Variants in STXBP3 observed in about 807,000 individuals in gnomAD.
STXBP3 encodes the protein syntaxin-binding protein 3.
Under a neutral mutation model 85.7 loss-of-function variants are expected in STXBP3, and 41 were observed. The observed-to-expected ratio is 0.48, with a 90% CI of 0.37 to 0.62. The LOEUF is 0.62. Among genes scored for constraint, STXBP3 ranks in the 20% least tolerant of loss-of-function variants. STXBP3 has a pLI of 0.00. For synonymous variants in STXBP3, 229 were observed against 231.7 expected, an observed-to-expected ratio of 0.99 and a Z score of 0.10; for missense variants, 563 against 703.1, an observed-to-expected ratio of 0.80 and a Z score of 2.25.
rs184785287 is a variant in STXBP3 at position 108,785,456 on chromosome 1, G to A, written c.963+2750G>A. On this transcript the variant is annotated intron_variant, in intron 11 of 18. Coordinates refer to ENST00000370008, the MANE Select transcript of STXBP3 (RefSeq NM_007269.4). ...ACCAAATCCCAAGACCACACAAAGC[G>A]GCAAGGCTCTGAGCCTGACCCACGA... Among the ~76,000 whole-genome samples the A allele has an allele frequency of 3.8e-3, 585 of 152,202 alleles. 6 individuals are homozygous for A. Among genetic ancestry groups the A allele is most frequent in the African/African-American group, 0.012 (496 of 41,540 alleles).
intron 6 of STXBP3, chr1:108,767,036 G>T: frequency 2.3e-6 from 1 of 441,978 alleles, no homozygotes; most frequent in South Asian, 1.8e-5. Flanking sequence ...CCATCACACA[G>T]TCCACAGGTT....
chr1:108,757,550 A>C (rs1168407501), intron 4 of STXBP3, among the ~76,000 whole-genome samples: 1 of 151,868 alleles, frequency 6.6e-6, no homozygotes, highest in Non-Finnish European at 1.5e-5. Context: ...TAAAAGTACC[A>C]TTTTTCACCT....
chr1:108,786,075 C>G (rs893595752), intron 11 of STXBP3, among the ~76,000 whole-genome samples: 1 of 152,202 alleles, frequency 6.6e-6, no homozygotes, highest in Non-Finnish European at 1.5e-5. Flanking sequence ...TAGCACCCCA[C>G]TCCTGGTACC....
chr1:108,805,713 A>G (rs1002672605), intron 17 of STXBP3, among the ~76,000 whole-genome samples: 3 of 152,158 alleles, frequency 2.0e-5, no homozygotes, highest in Admixed American at 6.5e-5. Context: ...GTGAGCCACC[A>G]CGCCCAGCCA....
chr1:108,803,169 G>T (rs952512466), intron 17 of STXBP3, among the ~76,000 whole-genome samples: 1 of 151,796 alleles, frequency 6.6e-6, no homozygotes, highest in Non-Finnish European at 1.5e-5. Context: ...TTTTATTCTT[G>T]TAGCAGTTTA....
At chr1:108,781,681 A>AT (rs1662717045) in intron 9 of STXBP3, 1 of 152,126 alleles carries the variant, frequency 6.6e-6, no homozygotes, top group Non-Finnish European at 1.5e-5. Flanking sequence ...CACCTTCAAT[A>AT]TTTAATAGGT....
At chr1:108,755,811 T>C (rs1012001973) in intron 3 of STXBP3, among the ~76,000 whole-genome samples, 4 of 152,206 alleles carry the variant, frequency 2.6e-5, no homozygotes, top group Non-Finnish European at 5.9e-5. Context: ...ATAAAAAGAT[T>C]AAATTTTTCC....
intron 11 of STXBP3, among the ~76,000 whole-genome samples, chr1:108,786,641 A>T (rs915146876): frequency 1.3e-5 from 2 of 152,210 alleles, no homozygotes; most frequent in Non-Finnish European, 1.5e-5. Context: ...TCCATGGTCA[A>T]TTTGTCTATC....
At position 108,793,648 on chromosome 1, in the gene STXBP3, G is replaced by T. The variant is rs1384737521; in HGVS notation, c.1029+1G>T. On this transcript the variant is annotated splice_donor_variant, in intron 12 of 18. Coordinates refer to ENST00000370008, the MANE Select transcript of STXBP3 (RefSeq NM_007269.4). LOFTEE classifies it high-confidence loss of function. ...CCATTTCCGAAAACAGATTACTAAG[G>T]TAAGCAGTATTGTATATGAGATACC... 6.2e-7 allele frequency: 1 copy of T among 1,609,950 alleles called. No individual in the cohort carries two copies. The highest frequency in any genetic ancestry group is 8.5e-7 in the Non-Finnish European group (1 of 1,177,002).
intron 6 of STXBP3, among the ~76,000 whole-genome samples, chr1:108,760,728 A>G (rs1309974603): frequency 6.6e-6 from 1 of 152,110 alleles, no homozygotes; most frequent in Admixed American, 6.6e-5. Flanking sequence ...TCACACAGCT[A>G]ATGAATTGTT....
At chr1:108,767,921 C>T (rs1662302248) in intron 6 of STXBP3, among the ~76,000 whole-genome samples, 1 of 152,044 alleles carries the variant, frequency 6.6e-6, no homozygotes, top group Non-Finnish European at 1.5e-5. Context: ...TGAGGATATA[C>T]AAAAGAATGA....
intron 3 of STXBP3, among the ~76,000 whole-genome samples, chr1:108,755,086 A>G (rs1262483086): frequency 1.3e-5 from 2 of 151,858 alleles, no homozygotes; most frequent in Non-Finnish European, 2.9e-5. Flanking sequence ...CAAAATCGGG[A>G]AAAAAAATGC....
intron 7 of STXBP3, among the ~76,000 whole-genome samples, chr1:108,774,799 G>A (rs1056395340): frequency 2.0e-5 from 3 of 151,840 alleles, no homozygotes; most frequent in African/African-American, 7.3e-5. Context: ...GGACTCAGTG[G>A]AGCTAAGTGG....
At position 108,793,605 on chromosome 1, in the gene STXBP3, G is replaced by A; in HGVS notation, c.987G>A (p.Gln329=). ...AGACATCACTTAGTGCTCTTACCCAGCTGATGAAAAAGATGCCCCATTTCC... is the reference window on the plus strand; with the variant it reads ...AGACATCACTTAGTGCTCTTACCCAACTGATGAAAAAGATGCCCCATTTCC... ...EGKTSLSALT[Q]LMKKMPHFRK... The change falls in exon 12 of 19, where the codon CAG becomes CAA. Residue 329 remains glutamine (Q), a synonymous_variant. Transcript: ENST00000370008. 1 of 1,612,242 alleles carries A rather than the reference G, an allele frequency of 6.2e-7. No homozygotes were observed. The highest frequency in any genetic ancestry group is 8.5e-7 in the Non-Finnish European group (1 of 1,178,880).
At chr1:108,783,876 T>G (rs192621914) in intron 11 of STXBP3, among the ~76,000 whole-genome samples, 7 of 152,350 alleles carry the variant, frequency 4.6e-5, no homozygotes, top group African/African-American at 1.7e-4. Flanking sequence ...AGATGGTATC[T>G]TATTGTGGTT....
intron 17 of STXBP3, 119 bp from the exon 18 acceptor site, chr1:108,807,280 AAT>A: frequency 7.6e-6 from 7 of 925,292 alleles, no homozygotes; most frequent in South Asian, 3.4e-5. Context: ...AAAAAAAAAA[AAT>A]CAATGTAATT....
chr1:108,761,215 G>GT (rs1662135261), intron 6 of STXBP3, among the ~76,000 whole-genome samples: 2 of 152,058 alleles, frequency 1.3e-5, no homozygotes, highest in African/African-American at 2.4e-5. Context: ...TGATACTGCT[G>GT]TTTTTGACAA....
chr1:108,786,301 AACTC>A (rs1269551894), intron 11 of STXBP3, among the ~76,000 whole-genome samples: 19 of 152,104 alleles, frequency 1.2e-4, no homozygotes, highest in African/African-American at 3.6e-4. Flanking sequence ...ATCTCATGAG[AACTC>A]ACTCACTATC....
chr1:108,757,588 T>C (rs1362174684), intron 4 of STXBP3, among the ~76,000 whole-genome samples: 1 of 151,982 alleles, frequency 6.6e-6, no homozygotes, highest in African/African-American at 2.4e-5. Flanking sequence ...ATTTAAAATA[T>C]ATATATATGG....
Sources: gnomAD v4.1 joint callset for allele counts (sites outside exome capture counted in the v4.1 genomes callset) on GRCh38, gnomAD v4.1.1 for gene constraint, MANE v1.5 for transcripts, NCBI Gene and HGNC (gene_info 2026-07-23, HGNC 2026-07-21) for gene names.